NHS: variants seen among roughly 807,000 people sequenced by gnomAD.
The protein encoded by NHS is actin remodeling regulator NHS.
Under a neutral mutation model 72.5 loss-of-function variants are expected in NHS, and 5 were observed. The ratio of observed to expected loss-of-function variants is 0.07; its 90% CI spans 0.04 to 0.14. NHS has a LOEUF of 0.14. NHS is among the 10% of genes least tolerant of loss of function. NHS has a pLI of 1.00. For synonymous variants in NHS, 464 were observed against 547.7 expected (o/e 0.85, Z 2.13); for missense variants, 1,072 against 1,355.7 (o/e 0.79, Z 3.29).
chrX:17,673,177 AACACACACACACACACACACACAC>A (rs56271300), intron 1 of NHS, among the ~76,000 whole-genome samples: 4,394 of 65,454 alleles, frequency 0.067, 224 homozygotes, highest in East Asian at 0.29. Flanking sequence ...TGGAAGATGA[AACACACACACACACACACACACAC>A]ACACACACAC....
intron 1 of NHS, among the ~76,000 whole-genome samples, chrX:17,604,004 A>G (rs2065665909): frequency 9.0e-6 from 1 of 111,320 alleles, no homozygotes; most frequent in African/African-American, 3.3e-5. Flanking sequence ...TATCACTTAA[A>G]CAATATCTGT....
At chrX:17,395,177 A>T (rs938407488) in intron 1 of NHS, among the ~76,000 whole-genome samples, 18 of 109,731 alleles carry the variant, frequency 1.6e-4, no homozygotes, top group Non-Finnish European at 1.1e-4. Context: ...AACAGAGGCA[A>T]AGAAAAAAAA....
chrX:17,726,361 G>C lies in NHS; in HGVS notation c.2255G>C (p.Ser752Thr). 1 of 1,212,131 alleles carries C rather than the reference G, an allele frequency of 8.2e-7. No individual in the cohort carries two copies. Among genetic ancestry groups the C allele is most frequent in the Admixed American group, 2.2e-5 (1 of 46,107 alleles). The change falls in exon 7 of 9, where the codon AGC becomes ACC. Residue 752 changes from serine to threonine, a missense_variant. By Grantham distance (58) the Ser-to-Thr change is moderately conservative (BLOSUM62 1). Transcript: ENST00000676302. Reference sequence around the variant, plus strand: ...AAGGCAGACAGCCTGGGCTGCCCAAGCTTCACAAGCATGGCCACTTATGAC... The same window carrying C: ...AAGGCAGACAGCCTGGGCTGCCCAACCTTCACAAGCATGGCCACTTATGAC... ...RPKADSLGCPSFTSMATYDSF... is the reference protein window; with the variant it reads ...RPKADSLGCPTFTSMATYDSF...
At chrX:17,565,937 A>G (rs2065440949) in intron 1 of NHS, among the ~76,000 whole-genome samples, 1 of 111,393 alleles carries the variant, frequency 9.0e-6, no homozygotes, top group African/African-American at 3.3e-5. Flanking sequence ...GGATATTTCA[A>G]ACCAAGAATT....
At chrX:17,714,820 C>T (rs985114823) in intron 3 of NHS, among the ~76,000 whole-genome samples, 7 of 111,974 alleles carry the variant, frequency 6.3e-5, no homozygotes, top group African/African-American at 1.3e-4. Context: ...CCCATTAAGG[C>T]GTGGCAGGCT....
At chrX:17,542,451 A>G (rs1164965672) in intron 1 of NHS, among the ~76,000 whole-genome samples, 1 of 113,346 alleles carries the variant, frequency 8.8e-6, no homozygotes, top group African/African-American at 3.2e-5. Flanking sequence ...TGGTTGTGCC[A>G]ACCAGTTCCA....
At chrX:17,641,174 A>C (rs1206237556) in intron 1 of NHS, among the ~76,000 whole-genome samples, 1 of 111,577 alleles carries the variant, frequency 9.0e-6, no homozygotes, top group Non-Finnish European at 1.9e-5. Context: ...AGGAGATTTT[A>C]TTTTGAAGAA....
At chrX:17,556,023 G>A (rs2065370211) in intron 1 of NHS, among the ~76,000 whole-genome samples, 1 of 112,862 alleles carries the variant, frequency 8.9e-6, no homozygotes, top group South Asian at 3.6e-4. Context: ...AGAGAGAAGA[G>A]CAGACGGGTT....
In NHS at chrX:17,724,433, G is replaced by T. The variant is rs2066428818; in HGVS notation, c.1240+3G>T. On this transcript the variant is annotated splice_donor_region_variant and intron_variant, in intron 6 of 8. Coordinates refer to ENST00000676302, the MANE Select transcript of NHS (RefSeq NM_001291867.2). ...CAGAAGAGTTCAACAAGAAATAGGT[G>T]TGATATCAAAAAATGTTAATGGTTA... 1 of 1,209,876 alleles carries T rather than the reference G, an allele frequency of 8.3e-7. No homozygotes were observed. Among genetic ancestry groups the T allele is most frequent in the African/African-American group, 1.7e-5 (1 of 57,273 alleles).
intron 1 of NHS, among the ~76,000 whole-genome samples, chrX:17,637,864 C>G (rs1208330171): frequency 8.9e-6 from 1 of 111,845 alleles, no homozygotes; most frequent in Non-Finnish European, 1.9e-5. Flanking sequence ...GTTTTCTTTC[C>G]TTCTCGACCC....
intron 1 of NHS, among the ~76,000 whole-genome samples, chrX:17,645,473 C>T (rs1335900856): frequency 8.9e-6 from 1 of 111,771 alleles, no homozygotes; most frequent in East Asian, 2.8e-4. Context: ...CTGCATCCTA[C>T]AGCTCCAATT....
intron 1 of NHS, among the ~76,000 whole-genome samples, chrX:17,522,501 C>CG: frequency 1.7e-5 from 1 of 60,405 alleles, no homozygotes; most frequent in Middle Eastern, 6.4e-3. Flanking sequence ...CCGCCCCCCC[C>CG]CCCCCGCCCC....
chrX:17,701,270 T>C (rs1234063147), intron 3 of NHS, among the ~76,000 whole-genome samples: 1 of 111,613 alleles, frequency 9.0e-6, no homozygotes, highest in African/African-American at 3.3e-5. Context: ...TATAAGAAAA[T>C]ATACAAGTAG....
chrX:17,593,325 C>T (rs1172300467), intron 1 of NHS, among the ~76,000 whole-genome samples: 1 of 111,021 alleles, frequency 9.0e-6, no homozygotes, highest in Non-Finnish European at 1.9e-5. Flanking sequence ...GATAAGCATT[C>T]CTGCTTTTAT....
At chrX:17,453,946 A>T (rs2064816165) in intron 1 of NHS, among the ~76,000 whole-genome samples, 1 of 112,176 alleles carries the variant, frequency 8.9e-6, no homozygotes, top group Non-Finnish European at 1.9e-5. Flanking sequence ...AGAAGATGGC[A>T]GCAGGGGGCC....
intron 1 of NHS, among the ~76,000 whole-genome samples, chrX:17,592,077 G>T (rs1328034191): frequency 9.0e-6 from 1 of 111,549 alleles, no homozygotes; most frequent in Non-Finnish European, 1.9e-5. Context: ...ATAGTGTGCA[G>T]TCACTGTAAT....
intron 1 of NHS, among the ~76,000 whole-genome samples, chrX:17,598,510 A>G (rs764013901): frequency 8.9e-6 from 1 of 112,166 alleles, no homozygotes; most frequent in East Asian, 2.8e-4. Flanking sequence ...CCTGTGCCTT[A>G]CACTAGCGTT....
intron 1 of NHS, among the ~76,000 whole-genome samples, chrX:17,417,205 A>G (rs1267509126): frequency 1.8e-5 from 2 of 111,165 alleles, no homozygotes; most frequent in Non-Finnish European, 3.8e-5. Flanking sequence ...TTTTTTCTGT[A>G]AAGGACCAGA....
intron 1 of NHS, among the ~76,000 whole-genome samples, chrX:17,412,902 C>T (rs188164977): frequency 0.038 from 4,216 of 112,126 alleles, 219 homozygotes; most frequent in African/African-American, 0.13. Context: ...TCACTGAGTG[C>T]GAAAGCAGCC....
Sources: gnomAD v4.1 joint callset for allele counts (sites outside exome capture counted in the v4.1 genomes callset) on GRCh38, gnomAD v4.1.1 for gene constraint, MANE v1.5 for transcripts, NCBI Gene and HGNC (gene_info 2026-07-23, HGNC 2026-07-21) for gene names.